Variants in WDPCP observed in about 807,000 individuals in gnomAD.
WDPCP encodes WD repeat containing planar cell polarity effector.
In WDPCP, 71 loss-of-function variants were observed where a neutral mutation model predicts 93.1. The observed-to-expected ratio is 0.76, with a 90% CI of 0.63 to 0.93. WDPCP has a LOEUF of 0.93. WDPCP is among the 40% of genes least tolerant of loss of function. The probability of loss-of-function intolerance (pLI) is 0.00; values close to 1 mark genes in which losing one functional copy is unlikely to be tolerated. For missense variants in WDPCP, 844 were observed against 887.4 expected, an observed-to-expected ratio of 0.95 and a Z score of 0.62; for synonymous variants, 315 against 315.0, an observed-to-expected ratio of 1.00 and a Z score of 0.00.
At chr2:63,805,905 T>G (rs1312015657) in intron 2 of WDPCP, among the ~76,000 whole-genome samples, 1 of 152,118 alleles carries the variant, frequency 6.6e-6, no homozygotes, top group African/African-American at 2.4e-5. Context: ...AAATTGCTTG[T>G]GTCCAGGCAT....
At chr2:63,134,716 T>C (rs1054297656) in intron 17 of WDPCP, among the ~76,000 whole-genome samples, 1 of 152,286 alleles carries the variant, frequency 6.6e-6, no homozygotes, top group African/African-American at 2.4e-5. Flanking sequence ...ATTGTGTCCA[T>C]CTTTGAAGTA....
intron 14 of WDPCP, among the ~76,000 whole-genome samples, chr2:63,227,196 C>A (rs1678362815): frequency 6.6e-6 from 1 of 151,906 alleles, no homozygotes; most frequent in South Asian, 2.1e-4. Flanking sequence ...ATAAATATAG[C>A]TTTAAAATGC....
chr2:63,411,270 G>C (rs1460320546), intron 9 of WDPCP, among the ~76,000 whole-genome samples: 1 of 152,092 alleles, frequency 6.6e-6, no homozygotes, highest in East Asian at 1.9e-4. Flanking sequence ...TTAATAACCT[G>C]CTCCTGAATA....
chr2:63,188,518 G>A (rs554034221), intron 14 of WDPCP, among the ~76,000 whole-genome samples: 5 of 151,218 alleles, frequency 3.3e-5, no homozygotes, highest in Admixed American at 6.6e-5. Flanking sequence ...TTTTTTTCAA[G>A]AGACAGGGTC....
intron 2 of WDPCP, among the ~76,000 whole-genome samples, chr2:63,739,231 T>C (rs1181954225): frequency 6.6e-6 from 1 of 152,146 alleles, no homozygotes; most frequent in East Asian, 1.9e-4. Flanking sequence ...TTTGCATTGA[T>C]AAGTTCTTAT....
intron 14 of WDPCP, among the ~76,000 whole-genome samples, chr2:63,216,601 C>G (rs1327453359): frequency 6.6e-6 from 1 of 151,738 alleles, no homozygotes; most frequent in Non-Finnish European, 1.5e-5. Flanking sequence ...GGAGACATAC[C>G]TAATGTAAAT....
At chr2:63,759,335 G>A (rs565743271) in intron 2 of WDPCP, among the ~76,000 whole-genome samples, 1 of 152,258 alleles carries the variant, frequency 6.6e-6, no homozygotes, top group African/African-American at 2.4e-5. Flanking sequence ...GCAGTAAGCT[G>A]GCATGGAAAG....
upstream of WDPCP, among the ~76,000 whole-genome samples, chr2:63,832,670 C>G (rs1428447982): frequency 2.6e-5 from 4 of 152,170 alleles, no homozygotes; most frequent in Non-Finnish European, 5.9e-5. Context: ...ATACAGTACT[C>G]TACAGTTTTT....
intron 12 of WDPCP, chr2:63,369,377 C>T (rs1691196880): frequency 2.2e-6 from 1 of 456,294 alleles, no homozygotes; most frequent in Admixed American, 2.4e-5. Context: ...AGGTCAACAA[C>T]TGTCTTGATC....
At chr2:63,424,177 G>A (rs1362376580) in intron 9 of WDPCP, among the ~76,000 whole-genome samples, 2 of 151,188 alleles carry the variant, frequency 1.3e-5, no homozygotes, top group African/African-American at 2.4e-5. Flanking sequence ...GAATTGGCAG[G>A]GGTATCTGCC....
chr2:63,466,369 G>A (rs1475487612), intron 6 of WDPCP, among the ~76,000 whole-genome samples: 1 of 151,860 alleles, frequency 6.6e-6, no homozygotes, highest in Non-Finnish European at 1.5e-5. Flanking sequence ...AGTACCTTAT[G>A]TGTTTTCTCT....
rs150807442 is a variant in WDPCP, at chr2:63,297,318, G to C, written c.1812+15930C>G. Among the ~76,000 whole-genome samples, 28 of 152,274 alleles carry C rather than the reference G, an allele frequency of 1.8e-4. 1 individual carries two copies. The highest frequency in any genetic ancestry group is 6.3e-4 in the African/African-American group (26 of 41,552). On this transcript the variant is annotated intron_variant, in intron 13 of 17. Transcript: ENST00000272321. ...GGTTCAGATGTCCTCCGTAAATATG[G>C]AATAGATCCTCAGGTTCGTCACTCT...
At chr2:63,807,381 A>G (rs943777384) in intron 2 of WDPCP, among the ~76,000 whole-genome samples, 12 of 151,914 alleles carry the variant, frequency 7.9e-5, no homozygotes, top group Non-Finnish European at 1.8e-4. Flanking sequence ...ACACCTCCCC[A>G]TCTCTCTCTA....
intron 7 of WDPCP, 70 bp from the exon 8 acceptor site, chr2:63,437,624 CA>C: frequency 1.4e-6 from 2 of 1,386,848 alleles, no homozygotes; most frequent in Non-Finnish European, 2.0e-6. Flanking sequence ...TGATATGTTA[CA>C]AAAAGCTATT....
upstream of WDPCP, among the ~76,000 whole-genome samples, chr2:63,831,599 T>G (rs956346043): frequency 2.0e-5 from 3 of 152,162 alleles, no homozygotes; most frequent in Non-Finnish European, 1.5e-5. Context: ...TTGAATTGTA[T>G]CCTCGTTTTT....
At chr2:63,585,065 C>G (rs903241317) in intron 1 of WDPCP, among the ~76,000 whole-genome samples, 2 of 152,126 alleles carry the variant, frequency 1.3e-5, no homozygotes, top group African/African-American at 4.8e-5. Context: ...TGTATTTCAC[C>G]ATTCCTGAAA....
intron 1 of WDPCP, among the ~76,000 whole-genome samples, chr2:63,508,323 T>G (rs1702015236): frequency 6.6e-6 from 1 of 152,152 alleles, no homozygotes; most frequent in African/African-American, 2.4e-5. Flanking sequence ...GAATTTCATA[T>G]GCAACCAAAC....
chr2:63,160,752 T>G (rs923672699), intron 15 of WDPCP, among the ~76,000 whole-genome samples: 4 of 152,150 alleles, frequency 2.6e-5, no homozygotes, highest in Non-Finnish European at 5.9e-5. Context: ...CCTAATAAAA[T>G]AATCTAGGCA....
At chr2:63,207,419 C>T (rs1269864597) in intron 14 of WDPCP, among the ~76,000 whole-genome samples, 1 of 152,146 alleles carries the variant, frequency 6.6e-6, no homozygotes, top group African/African-American at 2.4e-5. Flanking sequence ...GAGGCCTCCC[C>T]AGCCATGCCT....
Sources: allele counts gnomAD v4.1 joint callset (sites outside exome capture counted in the v4.1 genomes callset), GRCh38; gene constraint gnomAD v4.1.1; transcripts MANE v1.5; gene names NCBI Gene and HGNC (gene_info 2026-07-23, HGNC 2026-07-21).